The following TP53BP2 variants were observed in gnomAD, a reference collection of about 807,000 sequenced individuals.
The protein encoded by TP53BP2 is tumor protein p53 binding protein 2.
A neutral mutation model predicts 126.2 loss-of-function variants in TP53BP2; 62 were observed. That is an observed-to-expected ratio of 0.49 (90% CI 0.40 to 0.61). The LOEUF (loss-of-function observed/expected upper bound fraction) is 0.61. Ranked by LOEUF, TP53BP2 falls within the 20% of genes least tolerant of loss-of-function variation. The pLI, the probability that TP53BP2 is intolerant of heterozygous loss-of-function variation, is 0.00. For synonymous variants in TP53BP2, 485 were observed against 502.9 expected (o/e 0.96, Z 0.48); for missense variants, 1,215 against 1,402.8 (o/e 0.87, Z 2.14).
intron 14 of TP53BP2, among the ~76,000 whole-genome samples, chr1:223,792,942 A>C (rs1662203303): frequency 6.6e-6 from 1 of 152,116 alleles, no homozygotes; most frequent in South Asian, 2.1e-4. Flanking sequence ...AACCTAATAC[A>C]GTATAGTACA....
intron 4 of TP53BP2, among the ~76,000 whole-genome samples, chr1:223,808,371 T>C (rs1335589778): frequency 1.3e-5 from 2 of 151,826 alleles, no homozygotes; most frequent in Non-Finnish European, 2.9e-5. Flanking sequence ...TGAAACCCCA[T>C]CTCTACTAAA....
chr1:223,813,591 TG>T (rs1558100768), intron 3 of TP53BP2, among the ~76,000 whole-genome samples: 1 of 152,144 alleles, frequency 6.6e-6, no homozygotes, highest in African/African-American at 2.4e-5. Context: ...CTAGAAACCT[TG>T]GGTTTTCTAG....
intron 1 of TP53BP2, among the ~76,000 whole-genome samples, chr1:223,821,953 AT>A (rs142370375): frequency 0.043 from 6,546 of 151,640 alleles, 412 homozygotes; most frequent in African/African-American, 0.14. Context: ...GCACAGTGGC[AT>A]GATCTCGGCT....
intron 17 of TP53BP2, among the ~76,000 whole-genome samples, chr1:223,782,852 C>T (rs1429391490): frequency 6.6e-6 from 1 of 152,108 alleles, no homozygotes; most frequent in Non-Finnish European, 1.5e-5. Flanking sequence ...TGAATACTGT[C>T]TAATCATCTA....
chr1:223,820,865 C>T (rs1558104427), intron 2 of TP53BP2, among the ~76,000 whole-genome samples: 1 of 152,170 alleles, frequency 6.6e-6, no homozygotes, highest in South Asian at 2.1e-4. Context: ...GAGTAGCTTC[C>T]TCTAAAAACC....
intron 6 of TP53BP2, 22 bp from the exon 7 acceptor site, chr1:223,803,474 A>G (rs1448964556): frequency 6.4e-7 from 1 of 1,568,904 alleles, no homozygotes; most frequent in Non-Finnish European, 8.7e-7. Flanking sequence ...AGAGAACAGC[A>G]ACAACAGTTG....
At chr1:223,842,798 T>C (rs1320597961) in intron 1 of TP53BP2, among the ~76,000 whole-genome samples, 1 of 152,230 alleles carries the variant, frequency 6.6e-6, no homozygotes, top group African/African-American at 2.4e-5. Context: ...TCCCTTTACA[T>C]GAAAATCAAA....
Position 223,803,419 on chromosome 1 carries a change from T to A in TP53BP2, c.683A>T (p.Gln228Leu), listed in dbSNP as rs753603818. 1 of 1,613,612 alleles carries A rather than the reference T, an allele frequency of 6.2e-7. No individual in the cohort carries two copies. The highest frequency in any genetic ancestry group is 2.2e-5 in the East Asian group (1 of 44,872). ...CAGGACGAGCTCCCTCTGTTTTTGC[T>A]GGAACAAATTATTCATCTGTTCAAT... Reference protein sequence around the residue: ...EEIEQMNNLFQQKQRELVLAV... With the variant: ...EEIEQMNNLFLQKQRELVLAV... Residue 228 changes from glutamine (Q) to leucine (L), a missense_variant, in exon 7 of 18, where the codon CAG becomes CTG. Gln to Leu is a moderately radical substitution (Grantham distance 113, BLOSUM62 -2). Transcript: ENST00000343537.
intron 1 of TP53BP2, 154 bp from the exon 2 acceptor site, chr1:223,821,521 T>G: frequency 9.7e-7 from 1 of 1,032,524 alleles, no homozygotes. Flanking sequence ...AGGTGTGGAC[T>G]GGGGGTTGAG....
rs567960906 is a variant in TP53BP2, at chr1:223,800,032, A to T, written c.1352T>A (p.Val451Asp). The change falls in exon 11 of 18, where the codon GTT becomes GAT. Residue 451 changes from valine to aspartate, a missense_variant. Val to Asp is a radical substitution (Grantham distance 152). Around this residue, in one of 4 missense-constraint regions of TP53BP2, gnomAD observed 814 missense variants for 853.0 expected, o/e 0.95. Coordinates refer to ENST00000343537, the MANE Select transcript of TP53BP2 (RefSeq NM_001031685.3). ...NALDQVDDGE[V>D]PLREKEKKVR... Reference sequence around the variant, plus strand: ...TTTCTTCTCTTTCTCCCTCAGCGGAACCTCTCCATCATCAACTAAAGACAA... The same window carrying T: ...TTTCTTCTCTTTCTCCCTCAGCGGATCCTCTCCATCATCAACTAAAGACAA... 65 of 1,608,820 alleles carry T rather than the reference A, an allele frequency of 4.0e-5. No individual in the cohort carries two copies. In the African/African-American group the frequency reaches 8.3e-4, roughly 21 times the overall value.
chr1:223,789,310 A>T (rs1662074471), intron 15 of TP53BP2, 136 bp from the exon 16 acceptor site: 1 of 980,532 alleles, frequency 1.0e-6, no homozygotes, highest in Non-Finnish European at 1.5e-6. Flanking sequence ...CAGTTTTTTA[A>T]AAACCAGTTC....
rs574437302 is a variant in TP53BP2, at chr1:223,812,547, TTTGTTG to T, written c.289+1687_289+1692del. 3.3e-3 allele frequency among the ~76,000 whole-genome samples: 500 copies of T among 151,894 alleles called. 2 individuals carry two copies. The highest frequency in any genetic ancestry group is 0.011 in the African/African-American group (449 of 41,420). On this transcript the variant is annotated intron_variant, in intron 3 of 17. Coordinates refer to ENST00000343537, the MANE Select transcript of TP53BP2 (RefSeq NM_001031685.3). ...ACAGACGCCCAGCTAATTTTTGTTTTTTGTTGTTGTTGTTGTTGTTGTTTTCGTTTT... is the reference window on the plus strand; with the variant it reads ...ACAGACGCCCAGCTAATTTTTGTTTTTTGTTGTTGTTGTTGTTTTCGTTTT...
chr1:223,801,420 T>C (rs1312961057), intron 9 of TP53BP2, among the ~76,000 whole-genome samples: 1 of 152,192 alleles, frequency 6.6e-6, no homozygotes, highest in Non-Finnish European at 1.5e-5. Flanking sequence ...CATATGATAA[T>C]TGTAAGAGAA....
Position 223,806,967 on chromosome 1 carries a change from T to G in TP53BP2, c.373-20A>C, listed in dbSNP as rs1662744121. 6.4e-7 allele frequency: 1 copy of G among 1,571,274 alleles called. No homozygotes were observed. ...ATTAACCTACAAGTAAAAACACAAA[T>G]AAACACAATCCCAGCTTACTATAAA... is the stretch of plus-strand genomic sequence containing the variant. On this transcript the variant is annotated intron_variant, in intron 4 of 17. Transcript: ENST00000343537.
At chr1:223,804,451 T>C (rs1450724991) in intron 5 of TP53BP2, 103 bp from the exon 6 acceptor site, 3 of 1,059,982 alleles carry the variant, frequency 2.8e-6, no homozygotes, top group South Asian at 1.4e-5. Context: ...TGAGGTACAC[T>C]TGTAACCCTG....
Position 223,806,938 on chromosome 1 carries a change from G to T in TP53BP2, c.382C>A (p.Pro128Thr). 6.2e-7 allele frequency: 1 copy of T among 1,612,290 alleles called. No homozygotes were observed. Among genetic ancestry groups the T allele is most frequent in the Non-Finnish European group, 8.5e-7 (1 of 1,178,964 alleles). Reference sequence around the variant, plus strand: ...TCAGCAAGAGTCAGATCCATCCTAGGACTATTAACCTACAAGTAAAAACAC... The same window carrying T: ...TCAGCAAGAGTCAGATCCATCCTAGTACTATTAACCTACAAGTAAAAACAC... ...YRRKENGVNS[P>T]RMDLTLAELQ... is the part of the protein sequence containing the mutation. The change falls in exon 5 of 18, where the codon CCT (proline) becomes ACT (threonine). Residue 128 changes from proline to threonine, a missense_variant. Around this residue, in one of 4 missense-constraint regions of TP53BP2, gnomAD observed 814 missense variants for 853.0 expected, o/e 0.95. Coordinates refer to ENST00000343537, the MANE Select transcript of TP53BP2 (RefSeq NM_001031685.3).
At chr1:223,781,688 A>G (rs1010943753) in intron 17 of TP53BP2, among the ~76,000 whole-genome samples, 3 of 152,190 alleles carry the variant, frequency 2.0e-5, no homozygotes, top group East Asian at 3.8e-4. Flanking sequence ...TAAAACTGAA[A>G]AACTGGTGGA....
intron 1 of TP53BP2, among the ~76,000 whole-genome samples, chr1:223,832,955 C>T (rs956301033): frequency 2.0e-5 from 3 of 152,174 alleles, no homozygotes; most frequent in Non-Finnish European, 4.4e-5. Context: ...TGGAACCTTC[C>T]TCAGGAGCCA....
chr1:223,802,764 C>A lies in TP53BP2; in HGVS notation c.963G>T (p.Lys321Asn). 1 of 1,614,166 alleles carries A rather than the reference C, an allele frequency of 6.2e-7. No individual in the cohort carries two copies. Among genetic ancestry groups the A allele is most frequent in the Admixed American group, 1.7e-5 (1 of 60,032 alleles). Residue 321 changes from lysine to asparagine, a missense_variant, in exon 8 of 18, where the codon AAG becomes AAT. Coordinates refer to ENST00000343537, the MANE Select transcript of TP53BP2 (RefSeq NM_001031685.3). ...VNELRDRLWK[K>N]KAALQQKENL... ...TTTCTTTTTGCTGTAGAGCTGCCTT[C>A]TTCTTCCACAGCCGGTCCCTCAGCT...
Sources: allele counts gnomAD v4.1 joint callset (sites outside exome capture counted in the v4.1 genomes callset), GRCh38; gene constraint gnomAD v4.1.1; regional missense constraint gnomAD v4.1.1; transcripts MANE v1.5; gene names NCBI Gene and HGNC (gene_info 2026-07-23, HGNC 2026-07-21).